The following FBN1 variants were observed in gnomAD, a reference collection of about 807,000 sequenced individuals.
The protein encoded by FBN1 is fibrillin 1, also known as fibrillin-1.
In FBN1, 29 loss-of-function variants were observed where a neutral mutation model predicts 365.1. That is an observed-to-expected ratio of 0.08 (90% confidence interval 0.06 to 0.11). The LOEUF (loss-of-function observed/expected upper bound fraction) is 0.11, where lower values mean the gene tolerates loss of function less well. Ranked by LOEUF, FBN1 falls within the 10% of genes least tolerant of loss-of-function variation. The probability of loss-of-function intolerance (pLI) is 1.00; values close to 1 mark genes in which losing one functional copy is unlikely to be tolerated. For missense variants in FBN1, 2,476 were observed against 3,703.2 expected (o/e 0.67, Z 8.60); for synonymous variants, 1,210 against 1,270.5 (o/e 0.95, Z 1.01).
rs886038964 is a variant in FBN1 at position 48,446,715 on chromosome 15, CATT to C, written c.5776_5778del (p.Asn1926del). On this transcript the variant is annotated inframe_deletion, in exon 47 of 66. Coordinates refer to ENST00000316623, the MANE Select transcript of FBN1 (RefSeq NM_000138.5). ...AATTTTGCACACGCACCTATACAGT[CATT>C]GTTGTGAGAAAGGATGAAACCATGA... 4 of 1,608,884 alleles carry C rather than the reference CATT, an allele frequency of 2.5e-6. No individual in the cohort carries two copies. The highest frequency in any genetic ancestry group is 2.6e-6 in the Non-Finnish European group (3 of 1,175,444).
intron 6 of FBN1, among the ~76,000 whole-genome samples, chr15:48,589,128 G>A (rs572054811): frequency 1.3e-5 from 2 of 152,296 alleles, no homozygotes; most frequent in South Asian, 2.1e-4. Context: ...GAGCAGCAAA[G>A]AGAACTCAAG....
Position 48,644,624 on chromosome 15 carries a change from C to T in FBN1, c.146G>A (p.Gly49Glu), listed in dbSNP as rs1382204819. The T allele has an allele frequency of 1.2e-6, 2 of 1,613,584 alleles. No homozygotes were observed. Among genetic ancestry groups the T allele is most frequent in the African/African-American group, 1.3e-5 (1 of 74,560 alleles). The change falls in exon 2 of 66, where the codon GGA becomes GAA. Residue 49 changes from glycine to glutamate, a missense_variant. Transcript: ENST00000316623. ...CCTTTACCCTTTAAGCGCGTCGTGT[C>T]CTCCACCGCCTCTTCTCTTGGCCCG... ...ASRAKRRGGG[G>E]HDALKGPNVC...
chr15:48,622,664 T>C (rs866620753), intron 2 of FBN1, among the ~76,000 whole-genome samples: 6 of 152,134 alleles, frequency 3.9e-5, no homozygotes, highest in Admixed American at 2.6e-4. Context: ...ACCTTCACTC[T>C]CTATAATGTT....
chr15:48,441,099 C>T (rs1309067894), intron 50 of FBN1, among the ~76,000 whole-genome samples: 3 of 152,144 alleles, frequency 2.0e-5, no homozygotes, highest in Non-Finnish European at 2.9e-5. Context: ...GACTTAAGTA[C>T]ATACTGTGTT....
chr15:48,558,999 C>G (rs1052557658), intron 6 of FBN1, among the ~76,000 whole-genome samples: 1 of 152,206 alleles, frequency 6.6e-6, no homozygotes, highest in African/African-American at 2.4e-5. Context: ...TGCCGATTAT[C>G]TGAAAGTTCA....
intron 2 of FBN1, chr15:48,643,607 G>C (rs1453879262): frequency 6.6e-6 from 1 of 152,104 alleles, no homozygotes; most frequent in Non-Finnish European, 1.5e-5. Flanking sequence ...TGGTGACCCA[G>C]AGCTATATAA....
intron 43 of FBN1, among the ~76,000 whole-genome samples, chr15:48,458,213 T>C (rs975726770): frequency 6.6e-6 from 1 of 152,206 alleles, no homozygotes; most frequent in South Asian, 2.1e-4. Context: ...GAGAAGATGA[T>C]CACGGACTGA....
At chr15:48,469,009 A>G (rs2043345589) in intron 36 of FBN1, among the ~76,000 whole-genome samples, 1 of 150,728 alleles carries the variant, frequency 6.6e-6, no homozygotes, top group South Asian at 2.1e-4. Flanking sequence ...CGGAGCTTGC[A>G]GTGAGCCAAG....
At position 48,556,946 on chromosome 15, in the gene FBN1, C is replaced by T. The variant is rs140273085; in HGVS notation, c.539-19138G>A. 3.5e-3 allele frequency among the ~76,000 whole-genome samples: 539 copies of T among 152,206 alleles called. 10 individuals carry two copies. The highest frequency in any genetic ancestry group is 0.03 in the Admixed American group (461 of 15,294). On this transcript the variant is annotated intron_variant, in intron 6 of 65. Coordinates refer to ENST00000316623, the MANE Select transcript of FBN1 (RefSeq NM_000138.5). Reference sequence around the variant, plus strand: ...TTCAAGAAAAAGCTTCTTAAAGTAACGCGAAACATCCTGAATCACCTGGCC... The same window carrying T: ...TTCAAGAAAAAGCTTCTTAAAGTAATGCGAAACATCCTGAATCACCTGGCC...
intron 11 of FBN1, among the ~76,000 whole-genome samples, chr15:48,515,781 T>G (rs1053172837): frequency 2.6e-5 from 4 of 152,102 alleles, no homozygotes; most frequent in African/African-American, 9.7e-5. Context: ...CTCTCAAACC[T>G]CTAGTTTGCA....
rs183927064 is a variant in FBN1 at position 48,514,226 on chromosome 15, G to T, written c.1469-558C>A. ...TCACTTAGAATTATCAGTACATTTAGAGATAAACTGGTTTATATGACCCTA... is the reference window on the plus strand; with the variant it reads ...TCACTTAGAATTATCAGTACATTTATAGATAAACTGGTTTATATGACCCTA... On this transcript the variant is annotated intron_variant, in intron 12 of 65. Coordinates refer to ENST00000316623, the MANE Select transcript of FBN1 (RefSeq NM_000138.5). Among the ~76,000 whole-genome samples the T allele has an allele frequency of 2.6e-3, 389 of 152,286 alleles. 3 individuals carry two copies. The highest frequency in any genetic ancestry group is 8.9e-3 in the African/African-American group (369 of 41,568).
intron 6 of FBN1, among the ~76,000 whole-genome samples, chr15:48,549,760 GAT>G (rs1033790730): frequency 6.9e-6 from 1 of 145,392 alleles, no homozygotes; most frequent in African/African-American, 2.5e-5. Flanking sequence ...AACTTACTCT[GAT>G]TTACTAGAGT....
In FBN1 at chr15:48,412,543, T is replaced by C. The variant is rs776364049; in HGVS notation, c.8226+26A>G. The stretch of plus-strand genomic sequence containing the variant: ...GAAGGGCTTTCCACCACAGGAGACA[T>C]CAGGAGAAACTAACTTCTGACCCAC... On this transcript the variant is annotated intron_variant, in intron 65 of 65. Coordinates refer to ENST00000316623, the MANE Select transcript of FBN1 (RefSeq NM_000138.5). The C allele has an allele frequency of 1.1e-5, 17 of 1,613,040 alleles. No homozygotes were observed. The East Asian group carries it at 2.9e-4, about 27-fold the overall frequency.
rs1002106856 is a variant in FBN1, at chr15:48,409,347, T to A, written c.*1643A>T. 6.6e-6 allele frequency: 1 copy of A among 152,190 alleles called. No individual in the cohort carries two copies. The highest frequency in any genetic ancestry group is 1.9e-4 in the East Asian group (1 of 5,200). 9.4% of individuals were successfully genotyped at this position (152,190 alleles called of 1,614,324 possible). ...ATAGTATGAGCCAAATCTACTCCAT[T>A]TTTTTCAGCTGAGCTCTTCAAAGAT... On this transcript the variant is annotated 3_prime_UTR_variant, in exon 66 of 66. Coordinates refer to ENST00000316623, the MANE Select transcript of FBN1 (RefSeq NM_000138.5).
intron 7 of FBN1, among the ~76,000 whole-genome samples, chr15:48,535,401 T>C (rs1458424527): frequency 6.6e-6 from 1 of 152,236 alleles, no homozygotes; most frequent in Non-Finnish European, 1.5e-5. Context: ...CTTGGGTTCT[T>C]ATGTGTAAGC....
chr15:48,432,156 T>A (rs1332690373), intron 55 of FBN1, among the ~76,000 whole-genome samples: 3 of 152,236 alleles, frequency 2.0e-5, no homozygotes, highest in African/African-American at 4.8e-5. Flanking sequence ...CCCGTTTACA[T>A]GCTCTGAGCT....
rs183005461 is a variant in FBN1, at chr15:48,430,550, C to A, written c.6871+121G>T. On this transcript the variant is annotated intron_variant, in intron 56 of 65. Transcript: ENST00000316623. ...AACCACCATGGAGAGTCCTGACATG[C>A]GGTTAAGAGAACAAAATGGGTCTCG... 4 of 1,081,936 alleles carry A rather than the reference C, an allele frequency of 3.7e-6. No homozygotes were observed. In the Admixed American group the frequency reaches 5.2e-5, roughly 14 times the overall value. The allele number at this position is 1,081,936 out of a possible 1,614,324, so 67.0% of individuals were successfully genotyped here.
intron 6 of FBN1, among the ~76,000 whole-genome samples, chr15:48,547,320 T>A (rs545721695): frequency 6.6e-6 from 1 of 152,308 alleles, no homozygotes; most frequent in South Asian, 2.1e-4. Context: ...CAATATGTGA[T>A]GGAATCCTGG....
rs954785108 is a variant in FBN1 at position 48,600,377 on chromosome 15, T to C, written c.347-143A>G. 58 of 704,768 alleles carry C rather than the reference T, an allele frequency of 8.2e-5. No homozygotes were observed. In the Admixed American group the frequency reaches 1.0e-3, roughly 13 times the overall value. 43.7% of individuals were successfully genotyped at this position (704,768 alleles called of 1,614,324 possible). A position where few individuals can be genotyped will look rare whatever the true frequency, so the allele number is the denominator to read the frequency against. On this transcript the variant is annotated intron_variant, in intron 4 of 65. Transcript: ENST00000316623. ...CTATTTTTACCTGATAATGACCTAA[T>C]TGAGAATGCTAAACATATTATTTGT... is the stretch of plus-strand genomic sequence containing the variant.
Sources: allele counts gnomAD v4.1 joint callset (sites outside exome capture counted in the v4.1 genomes callset), GRCh38; gene constraint gnomAD v4.1.1; transcripts MANE v1.5; gene names NCBI Gene and HGNC (gene_info 2026-07-23, HGNC 2026-07-21).